CASR: variants seen among roughly 807,000 people sequenced by gnomAD.
The protein encoded by CASR is calcium sensing receptor, also known as extracellular calcium-sensing receptor.
In CASR, 23 loss-of-function variants were observed where a neutral mutation model predicts 69.1. The observed-to-expected ratio is 0.33, with a 90% confidence interval of 0.24 to 0.47. The LOEUF (loss-of-function observed/expected upper bound fraction) is 0.47. Among genes scored for constraint, CASR ranks in the 20% least tolerant of loss-of-function variants. The probability of loss-of-function intolerance (pLI) is 1.00; values close to 1 mark genes in which losing one functional copy is unlikely to be tolerated. For synonymous variants in CASR, 541 were observed against 544.7 expected, an observed-to-expected ratio of 0.99 and a Z score of 0.10; for missense variants, 924 against 1,356.1, an observed-to-expected ratio of 0.68 and a Z score of 5.00.
At chr3:122,265,923 T>C (rs944457713) in intron 4 of CASR, among the ~76,000 whole-genome samples, 4 of 152,014 alleles carry the variant, frequency 2.6e-5, no homozygotes, top group Admixed American at 2.6e-4. Flanking sequence ...GGGGATAAAT[T>C]GTGAGGACAG....
intron 1 of CASR, among the ~76,000 whole-genome samples, chr3:122,237,450 A>G (rs895086095): frequency 1.4e-4 from 22 of 152,178 alleles, no homozygotes; most frequent in Admixed American, 1.4e-3. Flanking sequence ...GTTCCTGCAC[A>G]ATCTCAAAGC....
chr3:122,266,159 C>T (rs913676750), intron 4 of CASR, among the ~76,000 whole-genome samples: 2 of 151,996 alleles, frequency 1.3e-5, no homozygotes, highest in African/African-American at 4.8e-5. Context: ...ATTCAATTGA[C>T]GCTACTAAGA....
At chr3:122,191,499 A>G (rs2073839651) in intron 1 of CASR, among the ~76,000 whole-genome samples, 1 of 151,850 alleles carries the variant, frequency 6.6e-6, no homozygotes, top group Non-Finnish European at 1.5e-5. Flanking sequence ...TTTAGTAGAG[A>G]CGGAGTTTTA....
chr3:122,274,596 A>G (rs2074794323), intron 4 of CASR, among the ~76,000 whole-genome samples: 1 of 152,212 alleles, frequency 6.6e-6, no homozygotes, highest in Non-Finnish European at 1.5e-5. Context: ...TTGGATTTTA[A>G]GTACCTTAAA....
intron 1 of CASR, among the ~76,000 whole-genome samples, chr3:122,189,825 C>A (rs1576811461): frequency 6.6e-6 from 1 of 152,266 alleles, no homozygotes; most frequent in East Asian, 1.9e-4. Flanking sequence ...TCCTTAGGAA[C>A]AAAGTTTTGC....
intron 1 of CASR, among the ~76,000 whole-genome samples, chr3:122,252,542 G>C (rs368234179): frequency 7.3e-5 from 11 of 149,674 alleles, no homozygotes; most frequent in African/African-American, 2.5e-4. Context: ...GGGGAGGGGA[G>C]AGGGACAAAG....
chr3:122,232,584 G>T (rs1008176765), intron 1 of CASR, among the ~76,000 whole-genome samples: 2 of 152,216 alleles, frequency 1.3e-5, no homozygotes, highest in African/African-American at 4.8e-5. Flanking sequence ...GAGTGGTGTG[G>T]GAGATGCAGC....
intron 1 of CASR, among the ~76,000 whole-genome samples, chr3:122,203,584 G>T (rs2073978463): frequency 6.6e-6 from 1 of 152,206 alleles, no homozygotes; most frequent in African/African-American, 2.4e-5. Context: ...AAGGGTACAT[G>T]TGTATAATAA....
intron 1 of CASR, among the ~76,000 whole-genome samples, chr3:122,237,220 C>T (rs533249986): frequency 6.7e-6 from 1 of 150,250 alleles, no homozygotes; most frequent in East Asian, 2.0e-4. Flanking sequence ...AGCGATTCTT[C>T]TGCCTCAGCC....
At chr3:122,279,534 A>T (rs2074862649) in intron 5 of CASR, among the ~76,000 whole-genome samples, 1 of 152,248 alleles carries the variant, frequency 6.6e-6, no homozygotes, top group African/African-American at 2.4e-5. Flanking sequence ...TGGTGAATGT[A>T]CAGGAACGTA....
At chr3:122,251,240 C>T (rs1021672606) in intron 1 of CASR, among the ~76,000 whole-genome samples, 12 of 152,136 alleles carry the variant, frequency 7.9e-5, no homozygotes, top group African/African-American at 2.4e-4. Flanking sequence ...TGGAATCAGA[C>T]GTTTATGAAC....
Position 122,286,293 on chromosome 3 carries a change from G to C in CASR, c.*1102G>C, listed in dbSNP as rs1260751397. On this transcript the variant is annotated 3_prime_UTR_variant, in exon 7 of 7. Coordinates refer to ENST00000639785, the MANE Select transcript of CASR (RefSeq NM_000388.4). ...GAGACAGACCGGGGTTCAAGCCATGGCTTCGTCATTTGCAAGCTGAGTGAC... is the reference window on the plus strand; with the variant it reads ...GAGACAGACCGGGGTTCAAGCCATGCCTTCGTCATTTGCAAGCTGAGTGAC... The C allele has an allele frequency of 6.6e-6, 1 of 152,154 alleles. No homozygotes were observed. Among genetic ancestry groups the C allele is most frequent in the African/African-American group, 2.4e-5 (1 of 41,416 alleles). 9.4% of individuals were successfully genotyped at this position (152,154 alleles called of 1,614,324 possible). A position where few individuals can be genotyped will look rare whatever the true frequency, so the allele number is the denominator to read the frequency against.
chr3:122,271,289 A>G (rs1452853292), intron 4 of CASR, among the ~76,000 whole-genome samples: 1 of 152,242 alleles, frequency 6.6e-6, no homozygotes. Flanking sequence ...GAAATAAGGC[A>G]GTTCCTGCTT....
chr3:122,243,728 A>G (rs768913468), intron 1 of CASR, among the ~76,000 whole-genome samples: 4 of 152,168 alleles, frequency 2.6e-5, no homozygotes, highest in Non-Finnish European at 4.4e-5. Flanking sequence ...CTGCACTTTC[A>G]TGTTTGTTGC....
At chr3:122,279,424 G>A (rs1422623156) in intron 5 of CASR, among the ~76,000 whole-genome samples, 2 of 152,070 alleles carry the variant, frequency 1.3e-5, no homozygotes, top group Non-Finnish European at 2.9e-5. Flanking sequence ...ACAATTATAG[G>A]ACAATATTGT....
intron 1 of CASR, among the ~76,000 whole-genome samples, chr3:122,240,047 C>T (rs2074365681): frequency 6.6e-6 from 1 of 152,110 alleles, no homozygotes. Flanking sequence ...GGTAATAGAA[C>T]ATCAAGCAAA....
chr3:122,221,183 A>T (rs2074166331), intron 1 of CASR, among the ~76,000 whole-genome samples: 1 of 152,216 alleles, frequency 6.6e-6, no homozygotes, highest in African/African-American at 2.4e-5. Context: ...GAGTGTAGAA[A>T]GAGACATTGA....
At chr3:122,240,951 T>C (rs1360850282) in intron 1 of CASR, among the ~76,000 whole-genome samples, 2 of 151,920 alleles carry the variant, frequency 1.3e-5, no homozygotes, top group African/African-American at 4.8e-5. Context: ...AGTGAAAAAA[T>C]TAAGAAGGAA....
Position 122,283,862 on chromosome 3 carries a change from G to A in CASR, c.1908G>A (p.Lys636=). Residue 636 remains lysine, a synonymous_variant, in exon 7 of 7, where the codon AAG becomes AAA. Transcript: ENST00000639785. Reference sequence around the variant, plus strand: ...CCTTTGTGCTGGGTGTGTTTATCAAGTTCCGCAACACACCCATTGTCAAGG... The same window carrying A: ...CCTTTGTGCTGGGTGTGTTTATCAAATTCCGCAACACACCCATTGTCAAGG... The part of the protein sequence containing the change: ...LTAFVLGVFI[K]FRNTPIVKAT... 6.2e-7 allele frequency: 1 copy of A among 1,614,014 alleles called. No homozygotes were observed. The highest frequency in any genetic ancestry group is 1.3e-5 in the African/African-American group (1 of 75,016).
Sources: gnomAD v4.1 joint callset for allele counts (sites outside exome capture counted in the v4.1 genomes callset) on GRCh38, gnomAD v4.1.1 for gene constraint, MANE v1.5 for transcripts, NCBI Gene and HGNC (gene_info 2026-07-23, HGNC 2026-07-21) for gene names.